SELENOF: variants seen among roughly 807,000 people sequenced by gnomAD.
SELENOF encodes 15 kDa selenoprotein.
Under a neutral mutation model 20.5 loss-of-function variants are expected in SELENOF, and 16 were observed. The ratio of observed to expected loss-of-function variants is 0.78; its 90% CI spans 0.53 to 1.19. The LOEUF is 1.19. SELENOF is among the 50% of genes most tolerant of loss of function. The pLI is 0.00. For missense variants in SELENOF, 215 were observed against 194.2 expected, an observed-to-expected ratio of 1.11 and a Z score of -0.64; for synonymous variants, 78 against 74.5, an observed-to-expected ratio of 1.05 and a Z score of -0.24.
chr1:86,873,286 T>C (rs189676886), intron 3 of SELENOF, among the ~76,000 whole-genome samples: 98 of 152,150 alleles, frequency 6.4e-4, no homozygotes, highest in Admixed American at 9.8e-4. Context: ...AACAATACTA[T>C]TATTTCCTTT....
Position 86,914,069 on chromosome 1 carries a change from C to G in SELENOF, c.43G>C (p.Ala15Pro). The change falls in exon 1 of 5, where the codon GCG (alanine) becomes CCG (proline). Residue 15 changes from alanine (A) to proline (P), a missense_variant. Ala to Pro is a conservative substitution (Grantham distance 27). Coordinates refer to ENST00000331835, the MANE Select transcript of SELENOF (RefSeq NM_004261.5). ...AAGPSGCLVP[A>P]FGLRLLLATV... ...GCCAACAACAACCGTAGCCCAAACG[C>G]CGGCACCAGACACCCACTCGGCCCA... The G allele has an allele frequency of 1.2e-6, 2 of 1,613,968 alleles. No individual in the cohort carries two copies. The highest frequency in any genetic ancestry group is 1.1e-5 in the South Asian group (1 of 91,080).
In SELENOF at chr1:86,893,166, T is replaced by C. The variant is rs146380146; in HGVS notation, c.252+10115A>G. Among the ~76,000 whole-genome samples the C allele has an allele frequency of 1.5e-4, 23 of 152,240 alleles. No individual in the cohort carries two copies. In the East Asian group the frequency reaches 3.1e-3, roughly 20 times the overall value. On this transcript the variant is annotated intron_variant, in intron 2 of 4. Coordinates refer to ENST00000331835, the MANE Select transcript of SELENOF (RefSeq NM_004261.5). ...TTACATTATAGGGTTGTTGTGAGGA[T>C]TAAATAGATAATGTAGGTAAAACAC...
intron 2 of SELENOF, among the ~76,000 whole-genome samples, chr1:86,901,847 G>C (rs778884737): frequency 6.6e-5 from 10 of 152,148 alleles, no homozygotes; most frequent in African/African-American, 2.2e-4. Flanking sequence ...TTACAGTTTT[G>C]GCATATCTGT....
intron 3 of SELENOF, among the ~76,000 whole-genome samples, chr1:86,875,785 C>T (rs1658909901): frequency 6.6e-6 from 1 of 152,046 alleles, no homozygotes; most frequent in Non-Finnish European, 1.5e-5. Flanking sequence ...GTTTAAACAC[C>T]ACCCAAAAAC....
intron 4 of SELENOF, among the ~76,000 whole-genome samples, chr1:86,866,136 G>A (rs1392520315): frequency 6.8e-6 from 1 of 147,084 alleles, no homozygotes; most frequent in Non-Finnish European, 1.5e-5. Context: ...GGGTGAGGAT[G>A]CAGTGAGCTG....
chr1:86,898,674 C>T (rs374628453), intron 2 of SELENOF, among the ~76,000 whole-genome samples: 1 of 149,990 alleles, frequency 6.7e-6, no homozygotes. Context: ...CTCTGCTTCA[C>T]GGGTTCAAGC....
intron 1 of SELENOF, among the ~76,000 whole-genome samples, chr1:86,910,185 T>G (rs797933): frequency 0.12 from 17,591 of 152,246 alleles, 1,638 homozygotes; most frequent in African/African-American, 0.25. Context: ...AAAATACATT[T>G]CGTTAAAGTA....
intron 2 of SELENOF, among the ~76,000 whole-genome samples, chr1:86,901,548 C>T (rs1048670162): frequency 6.6e-6 from 1 of 152,118 alleles, no homozygotes. Flanking sequence ...GTAAAAGATG[C>T]ATTAAGACAG....
chr1:86,902,906 T>C (rs1347114748), intron 2 of SELENOF, among the ~76,000 whole-genome samples: 1 of 152,250 alleles, frequency 6.6e-6, no homozygotes, highest in African/African-American at 2.4e-5. Flanking sequence ...CCAGGTATTA[T>C]GTGCTTTACT....
At chr1:86,880,464 G>C (rs934702014) in intron 3 of SELENOF, among the ~76,000 whole-genome samples, 198 bp downstream of exon 3, 15 of 151,466 alleles carry the variant, frequency 9.9e-5, no homozygotes, top group African/African-American at 3.6e-4. Context: ...CATATATTGT[G>C]TTTTTTTTAA....
chr1:86,904,496 C>T (rs535329602), intron 1 of SELENOF, among the ~76,000 whole-genome samples: 38 of 152,184 alleles, frequency 2.5e-4, no homozygotes, highest in African/African-American at 8.9e-4. Flanking sequence ...ATGTGGTATA[C>T]CTCCATTTGT....
At chr1:86,889,312 T>C (rs531132575) in intron 2 of SELENOF, among the ~76,000 whole-genome samples, 3 of 152,262 alleles carry the variant, frequency 2.0e-5, no homozygotes, top group Admixed American at 6.5e-5. Context: ...AATAAAACTG[T>C]TGGCTGGGCG....
chr1:86,876,137 C>T (rs1404120409), intron 3 of SELENOF, among the ~76,000 whole-genome samples: 1 of 151,134 alleles, frequency 6.6e-6, no homozygotes, highest in African/African-American at 2.4e-5. Flanking sequence ...AGTACCTAAT[C>T]CTTTTGGATA....
At chr1:86,908,484 C>A (rs1007504776) in intron 1 of SELENOF, among the ~76,000 whole-genome samples, 1 of 151,976 alleles carries the variant, frequency 6.6e-6, no homozygotes, top group Non-Finnish European at 1.5e-5. Context: ...TGTCTAAGAC[C>A]ACACAGGAAA....
intron 2 of SELENOF, among the ~76,000 whole-genome samples, chr1:86,893,659 ACTCT>A (rs916419365): frequency 3.3e-5 from 5 of 151,878 alleles, no homozygotes; most frequent in Non-Finnish European, 5.9e-5. Flanking sequence ...AGAAAATTAA[ACTCT>A]CTCAACAATT....
At chr1:86,865,455 T>C (rs571261178) in intron 4 of SELENOF, among the ~76,000 whole-genome samples, 1 of 152,134 alleles carries the variant, frequency 6.6e-6, no homozygotes, top group East Asian at 1.9e-4. Flanking sequence ...AAAATCCCAA[T>C]TATAAAATGG....
intron 3 of SELENOF, among the ~76,000 whole-genome samples, chr1:86,868,839 G>A (rs1240145292): frequency 1.2e-4 from 18 of 151,828 alleles, no homozygotes; most frequent in Admixed American, 1.2e-3. Flanking sequence ...GGAAACATCA[G>A]GACAGCAAAA....
At chr1:86,892,867 T>C (rs1659424932) in intron 2 of SELENOF, among the ~76,000 whole-genome samples, 1 of 152,208 alleles carries the variant, frequency 6.6e-6, no homozygotes, top group African/African-American at 2.4e-5. Flanking sequence ...AATTCTATTA[T>C]TAATATTGTT....
chr1:86,913,464 T>C (rs1254877123), intron 1 of SELENOF, among the ~76,000 whole-genome samples: 1 of 152,262 alleles, frequency 6.6e-6, no homozygotes, highest in Non-Finnish European at 1.5e-5. Flanking sequence ...TACTTTGGTA[T>C]AGATAACTCC....
Sources: gnomAD v4.1 joint callset for allele counts (sites outside exome capture counted in the v4.1 genomes callset) on GRCh38, gnomAD v4.1.1 for gene constraint, MANE v1.5 for transcripts, NCBI Gene and HGNC (gene_info 2026-07-23, HGNC 2026-07-21) for gene names.